LRRC58: variants seen among roughly 807,000 people sequenced by gnomAD.
LRRC58 encodes leucine-rich repeat-containing protein 58.
LRRC58 carries 18 observed loss-of-function variants against 30.6 expected under a neutral mutation model. That is an observed-to-expected ratio of 0.59 (90% CI 0.41 to 0.87). LRRC58 has a LOEUF of 0.87. Among genes scored for constraint, LRRC58 ranks in the 40% least tolerant of loss-of-function variants. LRRC58 has a pLI of 0.00. For missense variants in LRRC58, 420 were observed against 468.4 expected, an observed-to-expected ratio of 0.90 and a Z score of 0.95; for synonymous variants, 221 against 206.0, an observed-to-expected ratio of 1.07 and a Z score of -0.62.
chr3:120,330,415 T>TA lies in LRRC58; in HGVS notation c.*784dup, dbSNP rs892297829. The TA allele has an allele frequency of 6.6e-6, 1 of 152,186 alleles. No individual in the cohort carries two copies. The highest frequency in any genetic ancestry group is 2.4e-5 in the African/African-American group (1 of 41,462). 9.4% of individuals were successfully genotyped at this position (152,186 alleles called of 1,614,324 possible). ...TACACAGTTATTTACCTAGTTCTGT[T>TA]AAAGAATATTTTACAATGTTCTGCA... On this transcript the variant is annotated 3_prime_UTR_variant, in exon 4 of 4. Coordinates refer to ENST00000295628, the MANE Select transcript of LRRC58 (RefSeq NM_001099678.2).
At chr3:120,342,110 C>A (rs1162080728) in intron 1 of LRRC58, among the ~76,000 whole-genome samples, 6 of 151,912 alleles carry the variant, frequency 3.9e-5, no homozygotes, top group Non-Finnish European at 8.8e-5. Context: ...CATCTTGGAG[C>A]AGGAGCTGGG....
At chr3:120,336,093 T>C (rs1935831637) in intron 1 of LRRC58, 140 bp from the exon 2 acceptor site, 1 of 615,422 alleles carries the variant, frequency 1.6e-6, no homozygotes, top group Admixed American at 3.0e-5. Context: ...ATCCAGTCTC[T>C]AGAGAAACAA....
Position 120,330,181 on chromosome 3 carries a change from T to C in LRRC58, c.*1019A>G, listed in dbSNP as rs1293325347. The C allele has an allele frequency of 1.3e-5, 2 of 152,106 alleles. No homozygotes were observed. Among genetic ancestry groups the C allele is most frequent in the Non-Finnish European group, 2.9e-5 (2 of 67,950 alleles). The allele number at this position is 152,106 out of a possible 1,614,324, so 9.4% of individuals were successfully genotyped here. A position where few individuals can be genotyped will look rare whatever the true frequency, so the allele number is the denominator to read the frequency against. On this transcript the variant is annotated 3_prime_UTR_variant, in exon 4 of 4. Transcript: ENST00000295628. ...TGACATGGGTGAGAGTCATATTTTTTCCCTACCCATTTAATGCAAGATATA... is the reference window on the plus strand; with the variant it reads ...TGACATGGGTGAGAGTCATATTTTTCCCCTACCCATTTAATGCAAGATATA...
chr3:120,345,868 G>A (rs746566894), intron 1 of LRRC58, among the ~76,000 whole-genome samples: 20 of 152,330 alleles, frequency 1.3e-4, no homozygotes, highest in East Asian at 3.9e-4. Context: ...CAGATAGCAC[G>A]GTTGTTAGCC....
At chr3:120,347,379 C>CTTTTGTTTTTTTTTTTT (rs1935982526) in intron 1 of LRRC58, among the ~76,000 whole-genome samples, 1 of 54,828 alleles carries the variant, frequency 1.8e-5, no homozygotes, top group Non-Finnish European at 3.5e-5. Context: ...GGCCAATATT[C>CTTTTGTTTTTTTTTTTT]TTTTTTTTTT....
chr3:120,334,949 T>G lies in LRRC58; in HGVS notation c.820A>C (p.Asn274His), dbSNP rs1357043690. 7 of 1,613,806 alleles carry G rather than the reference T, an allele frequency of 4.3e-6. No homozygotes were observed. Among genetic ancestry groups the G allele is most frequent in the Non-Finnish European group, 5.9e-6 (7 of 1,179,798 alleles). The change falls in exon 3 of 4, where the codon AAT becomes CAT. Residue 274 changes from asparagine (N) to histidine (H), a missense_variant. Around this residue, in one of 2 missense-constraint regions of LRRC58, gnomAD observed 154 missense variants for 216.8 expected, o/e 0.71. Coordinates refer to ENST00000295628, the MANE Select transcript of LRRC58 (RefSeq NM_001099678.2). ...ELAARTIKIR[N>H]ISYTPYDLPG... The stretch of plus-strand genomic sequence containing the variant: ...AGATCATAGGGAGTGTAGGAAATAT[T>G]TCGAATCTTAATGGTCCGTGCAGCT...
intron 3 of LRRC58, among the ~76,000 whole-genome samples, chr3:120,334,182 G>A (rs1455105398): frequency 1.3e-5 from 2 of 152,172 alleles, no homozygotes; most frequent in Non-Finnish European, 2.9e-5. Flanking sequence ...ACAGGGAATG[G>A]TGAGTCTAAG....
At chr3:120,336,094 A>G (rs545087382) in intron 1 of LRRC58, 141 bp from the exon 2 acceptor site, 201 of 614,660 alleles carry the variant, frequency 3.3e-4, no homozygotes, top group Non-Finnish European at 5.4e-4. Context: ...TCCAGTCTCT[A>G]GAGAAACAAT....
chr3:120,324,731 C>T lies in LRRC58; in HGVS notation c.*6469G>A, dbSNP rs1041468826. ...AAGAAGGTGGTAGAATTGAAGTAGC[C>T]CATATATTCTTTTAAGAGCATTTAG... On this transcript the variant is annotated 3_prime_UTR_variant, in exon 4 of 4. Transcript: ENST00000295628. 6.6e-6 allele frequency: 1 copy of T among 151,748 alleles called. No homozygotes were observed. Among genetic ancestry groups the T allele is most frequent in the African/African-American group, 2.4e-5 (1 of 41,286 alleles). 9.4% of individuals were successfully genotyped at this position (151,748 alleles called of 1,614,324 possible).
At chr3:120,343,986 G>A (rs1576184966) in intron 1 of LRRC58, among the ~76,000 whole-genome samples, 1 of 152,036 alleles carries the variant, frequency 6.6e-6, no homozygotes, top group South Asian at 2.1e-4. Flanking sequence ...CTGCAGTGAG[G>A]TGAGATCGTG....
chr3:120,339,792 C>T (rs1001370388), intron 1 of LRRC58, among the ~76,000 whole-genome samples: 19 of 152,264 alleles, frequency 1.2e-4, no homozygotes, highest in African/African-American at 4.3e-4. Flanking sequence ...GAAATTTCAG[C>T]CACCATTACT....
intron 1 of LRRC58, among the ~76,000 whole-genome samples, chr3:120,337,602 T>C (rs1266924155): frequency 6.6e-6 from 1 of 152,132 alleles, no homozygotes; most frequent in Non-Finnish European, 1.5e-5. Flanking sequence ...AAAAAGAACA[T>C]GTAGCTATTA....
chr3:120,328,508 A>G lies in LRRC58; in HGVS notation c.*2692T>C, dbSNP rs1197457564. 2 of 152,246 alleles carry G rather than the reference A, an allele frequency of 1.3e-5. No homozygotes were observed. Among genetic ancestry groups the G allele is most frequent in the Non-Finnish European group, 2.9e-5 (2 of 68,038 alleles). The allele number at this position is 152,246 out of a possible 1,614,324, so 9.4% of individuals were successfully genotyped here. A position where few individuals can be genotyped will look rare whatever the true frequency, so the allele number is the denominator to read the frequency against. On this transcript the variant is annotated 3_prime_UTR_variant, in exon 4 of 4. Coordinates refer to ENST00000295628, the MANE Select transcript of LRRC58 (RefSeq NM_001099678.2). ...CAATATCAAAAACTTATTTCATTAT[A>G]AAAATTAGACTTCGCTAATTCTGTC...
intron 3 of LRRC58, among the ~76,000 whole-genome samples, chr3:120,333,375 G>A (rs961882639): frequency 5.9e-5 from 9 of 152,342 alleles, no homozygotes; most frequent in Middle Eastern, 3.4e-3. Flanking sequence ...GCTGCCCTAT[G>A]TGTTTTCCTC....
intron 1 of LRRC58, among the ~76,000 whole-genome samples, chr3:120,337,653 T>G (rs1235518306): frequency 6.6e-6 from 1 of 152,196 alleles, no homozygotes; most frequent in Non-Finnish European, 1.5e-5. Flanking sequence ...TTTCTCTTAT[T>G]ATTTTGCCTT....
In LRRC58 at chr3:120,334,854, T is replaced by A. The variant is rs762104274; in HGVS notation, c.907+8A>T. On this transcript the variant is annotated splice_region_variant and intron_variant, in intron 3 of 3. Transcript: ENST00000295628. ...TAAGTGGGAAACATGAATACTGAAT[T>A]AACTTACCTCCACACTTTGGGTTTG... 4 of 1,606,236 alleles carry A rather than the reference T, an allele frequency of 2.5e-6. No individual in the cohort carries two copies. The South Asian group carries it at 4.5e-5, about 18-fold the overall frequency.
At chr3:120,348,629 A>G (rs1936007556) in intron 1 of LRRC58, 115 bp downstream of exon 1, 1 of 1,249,458 alleles carries the variant, frequency 8.0e-7, no homozygotes, top group East Asian at 2.7e-5. Context: ...CCGCACAGTT[A>G]AAGAGAAAGC....
In LRRC58 at chr3:120,335,955, T is replaced by C; in HGVS notation, c.501-2A>G. 6.4e-7 allele frequency: 1 copy of C among 1,566,748 alleles called. No individual in the cohort carries two copies. Among genetic ancestry groups the C allele is most frequent in the Non-Finnish European group, 8.7e-7 (1 of 1,145,808 alleles). ...CCTCCAAGATATAAACACTCTAAACTGCAAAAATAAATGAACAAAACCAAA... is the reference window on the plus strand; with the variant it reads ...CCTCCAAGATATAAACACTCTAAACCGCAAAAATAAATGAACAAAACCAAA... On this transcript the variant is annotated splice_acceptor_variant, in intron 1 of 3. Transcript: ENST00000295628. LOFTEE classifies it high-confidence loss of function.
In LRRC58 at chr3:120,326,590, A is replaced by C. The variant is rs1407441814; in HGVS notation, c.*4610T>G. On this transcript the variant is annotated 3_prime_UTR_variant, in exon 4 of 4. Coordinates refer to ENST00000295628, the MANE Select transcript of LRRC58 (RefSeq NM_001099678.2). ...TATAGGTCACATTGAATAAAAATCT[A>C]TACAATAGCTTTTACTATTGTTAAG... 3 of 152,240 alleles carry C rather than the reference A, an allele frequency of 2.0e-5. No homozygotes were observed. Among genetic ancestry groups the C allele is most frequent in the Admixed American group, 2.0e-4 (3 of 15,284 alleles). 9.4% of individuals were successfully genotyped at this position (152,240 alleles called of 1,614,324 possible). A position where few individuals can be genotyped will look rare whatever the true frequency, so the allele number is the denominator to read the frequency against.
Sources: gnomAD v4.1 joint callset for allele counts (sites outside exome capture counted in the v4.1 genomes callset) on GRCh38, gnomAD v4.1.1 for gene constraint, gnomAD v4.1.1 regional missense constraint, MANE v1.5 for transcripts, NCBI Gene and HGNC (gene_info 2026-07-23, HGNC 2026-07-21) for gene names.